Variants in DLGAP2 observed in about 807,000 individuals in gnomAD.
DLGAP2 encodes the protein DLG associated protein 2.
Under a neutral mutation model 100.3 loss-of-function variants are expected in DLGAP2, and 26 were observed. The ratio of observed to expected loss-of-function variants is 0.26; its 90% CI spans 0.19 to 0.36. The LOEUF is 0.36. Ranked by LOEUF, DLGAP2 falls within the 10% of genes least tolerant of loss-of-function variation. The pLI is 1.00. For synonymous variants in DLGAP2, 886 were observed against 630.1 expected (o/e 1.41, Z -6.08); for missense variants, 1,858 against 1,453.2 (o/e 1.28, Z -4.53).
intron 2 of DLGAP2, among the ~76,000 whole-genome samples, chr8:1,186,946 C>T (rs945513313): frequency 3.9e-5 from 6 of 152,150 alleles, no homozygotes; most frequent in Admixed American, 2.0e-4. Context: ...GAAGGAAAAT[C>T]CAGGAGCCTT....
At chr8:1,345,235 G>C (rs904480250) in intron 3 of DLGAP2, among the ~76,000 whole-genome samples, 1 of 152,224 alleles carries the variant, frequency 6.6e-6, no homozygotes, top group Non-Finnish European at 1.5e-5. Flanking sequence ...GAAGGTGCAG[G>C]CTCAGTTCCT....
intron 6 of DLGAP2, among the ~76,000 whole-genome samples, chr8:1,591,530 C>G (rs1293706422): frequency 7.8e-6 from 1 of 128,054 alleles, no homozygotes; most frequent in Non-Finnish European, 1.7e-5. Context: ...CCTGCCTAAC[C>G]CCCTCCTCCC....
intron 1 of DLGAP2, among the ~76,000 whole-genome samples, chr8:758,895 A>C (rs746221099): frequency 2.0e-5 from 3 of 152,048 alleles, no homozygotes; most frequent in Non-Finnish European, 4.4e-5. Context: ...GATACACAGC[A>C]AAATTGAGCA....
At chr8:1,637,942 C>T (rs912598833) in intron 8 of DLGAP2, among the ~76,000 whole-genome samples, 3 of 152,190 alleles carry the variant, frequency 2.0e-5, no homozygotes, top group African/African-American at 7.2e-5. Context: ...GGCTGGGCAG[C>T]AGAAACCCAG....
chr8:931,434 G>A (rs1326917531), intron 2 of DLGAP2, among the ~76,000 whole-genome samples: 3 of 152,210 alleles, frequency 2.0e-5, no homozygotes, highest in Admixed American at 1.3e-4. Context: ...AGAAAAAGCC[G>A]CCTGTGATTC....
intron 1 of DLGAP2, among the ~76,000 whole-genome samples, chr8:797,372 G>T (rs1294667663): frequency 6.6e-6 from 1 of 152,186 alleles, no homozygotes; most frequent in Non-Finnish European, 1.5e-5. Flanking sequence ...TCATGTTGGT[G>T]CATGTATCAA....
intron 6 of DLGAP2, among the ~76,000 whole-genome samples, chr8:1,622,851 G>A (rs966251941): frequency 4.6e-5 from 7 of 152,130 alleles, no homozygotes; most frequent in African/African-American, 1.2e-4. Context: ...AAAATGCCCC[G>A]GGATGTAGGA....
At chr8:850,227 T>C (rs1257827124) in intron 1 of DLGAP2, among the ~76,000 whole-genome samples, 3 of 152,184 alleles carry the variant, frequency 2.0e-5, no homozygotes, top group South Asian at 2.1e-4. Context: ...AAACAGTGTT[T>C]TGAATAATAG....
At chr8:1,562,976 G>C (rs1802232549) in intron 5 of DLGAP2, among the ~76,000 whole-genome samples, 1 of 78,198 alleles carries the variant, frequency 1.3e-5, no homozygotes, top group Non-Finnish European at 2.4e-5. Context: ...GTTACTGGGG[G>C]ACTGTGTGGT....
intron 6 of DLGAP2, among the ~76,000 whole-genome samples, chr8:1,580,062 C>A (rs975448898): frequency 6.6e-6 from 1 of 152,166 alleles, no homozygotes; most frequent in Non-Finnish European, 1.5e-5. Flanking sequence ...CACATCCATT[C>A]CCACTGTTCT....
chr8:1,327,144 C>T (rs534525532), intron 3 of DLGAP2, among the ~76,000 whole-genome samples: 2 of 152,184 alleles, frequency 1.3e-5, no homozygotes, highest in South Asian at 2.1e-4. Context: ...TGACACTGAG[C>T]GAGATTACAG....
At chr8:853,738 T>C (rs144561771) in intron 1 of DLGAP2, among the ~76,000 whole-genome samples, 350 of 152,334 alleles carry the variant, frequency 2.3e-3, no homozygotes, top group Non-Finnish European at 4.2e-3. Context: ...TCATTTAATT[T>C]AATAAGAATT....
chr8:1,253,719 C>G (rs1186714551), intron 2 of DLGAP2, among the ~76,000 whole-genome samples: 1 of 152,168 alleles, frequency 6.6e-6, no homozygotes, highest in Non-Finnish European at 1.5e-5. Flanking sequence ...TGTCAATTAG[C>G]ACAGATCAGT....
intron 6 of DLGAP2, among the ~76,000 whole-genome samples, chr8:1,624,654 C>A (rs1324984983): frequency 6.6e-6 from 1 of 151,940 alleles, no homozygotes; most frequent in African/African-American, 2.4e-5. Flanking sequence ...TGGCAGTCGA[C>A]CTGGGGGATC....
chr8:976,326 T>A (rs927773401), intron 2 of DLGAP2, among the ~76,000 whole-genome samples: 1 of 152,200 alleles, frequency 6.6e-6, no homozygotes, highest in Non-Finnish European at 1.5e-5. Context: ...ATAGACTCAG[T>A]GCAGGCCGGG....
chr8:867,107 G>T (rs1045003063), intron 1 of DLGAP2, among the ~76,000 whole-genome samples: 5 of 152,196 alleles, frequency 3.3e-5, no homozygotes, highest in East Asian at 1.9e-4. Flanking sequence ...GCCGCCTACC[G>T]GCCGTCACCG....
At chr8:1,206,131 G>C (rs34003842) in intron 2 of DLGAP2, among the ~76,000 whole-genome samples, 40,060 of 152,146 alleles carry the variant, frequency 0.26, 5,802 homozygotes, top group Middle Eastern at 0.41. Context: ...ACTGTGAGCT[G>C]CTCGGTGGAT....
intron 3 of DLGAP2, among the ~76,000 whole-genome samples, chr8:1,384,413 C>A: frequency 1.0e-5 from 1 of 96,116 alleles, no homozygotes; most frequent in South Asian, 3.8e-4. Context: ...TGCTCAGTTA[C>A]CCCGGCCTGT....
intron 6 of DLGAP2, among the ~76,000 whole-genome samples, chr8:1,573,634 C>G (rs969719547): frequency 6.6e-6 from 1 of 152,086 alleles, no homozygotes; most frequent in African/African-American, 2.4e-5. Flanking sequence ...ACGTGCTGTT[C>G]TGGTGCCCAA....
Sources: allele counts gnomAD v4.1 joint callset (sites outside exome capture counted in the v4.1 genomes callset), GRCh38; gene constraint gnomAD v4.1.1; transcripts MANE v1.5; gene names NCBI Gene and HGNC (gene_info 2026-07-23, HGNC 2026-07-21).